The following WWOX variants were observed in gnomAD, a reference collection of about 807,000 sequenced individuals.
WWOX encodes the protein WW domain-containing oxidoreductase.
Under a neutral mutation model 46.2 loss-of-function variants are expected in WWOX, and 69 were observed. The observed-to-expected ratio is 1.49, with a 90% CI of 1.23 to 1.82. WWOX has a LOEUF of 1.82. WWOX is among the 40% of genes most tolerant of loss of function. The probability of loss-of-function intolerance (pLI) is 0.00; values close to 1 mark genes in which losing one functional copy is unlikely to be tolerated. For synonymous variants in WWOX, 359 were observed against 202.6 expected (o/e 1.77, Z -6.56); for missense variants, 919 against 542.6 (o/e 1.69, Z -6.89).
intron 5 of WWOX, among the ~76,000 whole-genome samples, chr16:78,305,634 T>TA (rs367847970): frequency 0.019 from 2,738 of 146,260 alleles, 87 homozygotes; most frequent in African/African-American, 0.061. Context: ...AGGAGCACTT[T>TA]AAAAAAAAAA....
intron 8 of WWOX, among the ~76,000 whole-genome samples, chr16:79,041,888 G>C (rs1001793759): frequency 6.6e-6 from 1 of 151,980 alleles, no homozygotes; most frequent in Non-Finnish European, 1.5e-5. Flanking sequence ...CACGTGTTTA[G>C]AGAAACTGGA....
chr16:78,732,346 C>A (rs946297803), intron 8 of WWOX, among the ~76,000 whole-genome samples: 1 of 152,028 alleles, frequency 6.6e-6, no homozygotes, highest in Non-Finnish European at 1.5e-5. Flanking sequence ...CTCAATCTAG[C>A]GTAGGTAGGA....
chr16:78,943,205 T>C (rs1410146472), intron 8 of WWOX, among the ~76,000 whole-genome samples: 2 of 152,222 alleles, frequency 1.3e-5, no homozygotes, highest in Non-Finnish European at 2.9e-5. Context: ...TTTTGCACTT[T>C]ACAAATAACC....
At chr16:79,134,882 C>T (rs1384940275) in intron 8 of WWOX, among the ~76,000 whole-genome samples, 1 of 152,174 alleles carries the variant, frequency 6.6e-6, no homozygotes, top group East Asian at 1.9e-4. Flanking sequence ...ACTGCATTCC[C>T]ACTGGAAGGT....
intron 8 of WWOX, among the ~76,000 whole-genome samples, chr16:79,121,331 T>C (rs2049626993): frequency 1.3e-5 from 2 of 152,316 alleles, no homozygotes; most frequent in South Asian, 2.1e-4. Flanking sequence ...TTCTCCATAG[T>C]CGCAGTCAGT....
chr16:78,736,074 T>A (rs1223529292), intron 8 of WWOX, among the ~76,000 whole-genome samples: 1 of 152,162 alleles, frequency 6.6e-6, no homozygotes, highest in African/African-American at 2.4e-5. Context: ...CTTCGCTTGC[T>A]TTATCAAGGG....
At chr16:78,166,383 G>A (rs1425710934) in intron 5 of WWOX, among the ~76,000 whole-genome samples, 6 of 152,026 alleles carry the variant, frequency 3.9e-5, no homozygotes, top group East Asian at 1.9e-4. Flanking sequence ...TCTTTCTTAC[G>A]ATATCATCTG....
At chr16:78,172,536 G>A (rs965167823) in intron 5 of WWOX, among the ~76,000 whole-genome samples, 9 of 150,974 alleles carry the variant, frequency 6.0e-5, no homozygotes, top group Non-Finnish European at 1.2e-4. Flanking sequence ...ATTTTGCACC[G>A]ACTTAGTCTT....
At chr16:79,168,504 C>G (rs770807321) in intron 8 of WWOX, among the ~76,000 whole-genome samples, 1 of 152,168 alleles carries the variant, frequency 6.6e-6, no homozygotes, top group African/African-American at 2.4e-5. Flanking sequence ...TGGCAGGCAT[C>G]CAGTCCCTGT....
chr16:78,727,443 T>G (rs2048863056), intron 8 of WWOX, among the ~76,000 whole-genome samples: 1 of 152,048 alleles, frequency 6.6e-6, no homozygotes, highest in Non-Finnish European at 1.5e-5. Context: ...TGTCCTCTGG[T>G]CCTGGTGATC....
intron 8 of WWOX, among the ~76,000 whole-genome samples, chr16:78,564,450 C>G (rs2044514854): frequency 6.6e-6 from 1 of 152,076 alleles, no homozygotes. Context: ...CAGGGATATT[C>G]AAGAAATTGA....
chr16:78,225,413 G>A (rs2037018061), intron 5 of WWOX, among the ~76,000 whole-genome samples: 1 of 152,056 alleles, frequency 6.6e-6, no homozygotes, highest in Admixed American at 6.6e-5. Flanking sequence ...TTGTCTTTAA[G>A]TTTTTAATTT....
chr16:78,322,457 C>A (rs1416891361), intron 5 of WWOX, among the ~76,000 whole-genome samples: 2 of 152,180 alleles, frequency 1.3e-5, no homozygotes, highest in East Asian at 1.9e-4. Context: ...CACGCTTGTG[C>A]CTTTTTAAAC....
chr16:79,008,599 A>G (rs2047237843), intron 8 of WWOX, among the ~76,000 whole-genome samples: 1 of 152,196 alleles, frequency 6.6e-6, no homozygotes, highest in African/African-American at 2.4e-5. Context: ...ACTGAGACTT[A>G]GAAGCATTAT....
intron 8 of WWOX, among the ~76,000 whole-genome samples, chr16:78,451,787 ATAT>A (rs571115545): frequency 1.5e-3 from 232 of 152,322 alleles, no homozygotes; most frequent in African/African-American, 5.4e-3. Flanking sequence ...ATTGTCAAAG[ATAT>A]TATTGATTAT....
intron 8 of WWOX, among the ~76,000 whole-genome samples, chr16:78,591,960 A>G (rs2045362606): frequency 6.6e-6 from 1 of 152,210 alleles, no homozygotes; most frequent in African/African-American, 2.4e-5. Context: ...CAGTGTTCCT[A>G]ACAATGCGCC....
chr16:78,830,334 T>C (rs1234529366), intron 8 of WWOX, among the ~76,000 whole-genome samples: 1 of 152,142 alleles, frequency 6.6e-6, no homozygotes, highest in Non-Finnish European at 1.5e-5. Flanking sequence ...ATAAAACATA[T>C]ATGTACATAT....
At chr16:78,734,297 C>T (rs2049033372) in intron 8 of WWOX, among the ~76,000 whole-genome samples, 1 of 152,090 alleles carries the variant, frequency 6.6e-6, no homozygotes, top group Admixed American at 6.6e-5. Context: ...TTTTCCCCCA[C>T]ATGCATCTCA....
intron 4 of WWOX, among the ~76,000 whole-genome samples, chr16:78,158,243 T>A (rs79617670): frequency 0.011 from 1,726 of 152,334 alleles, 18 homozygotes; most frequent in African/African-American, 0.026. Context: ...GTATGCTGAT[T>A]TTGCGTGCAT....
Sources: gnomAD v4.1 joint callset for allele counts (sites outside exome capture counted in the v4.1 genomes callset) on GRCh38, gnomAD v4.1.1 for gene constraint, MANE v1.5 for transcripts, NCBI Gene and HGNC (gene_info 2026-07-23, HGNC 2026-07-21) for gene names.